Variants in GPC6 observed in about 807,000 individuals in gnomAD.
GPC6 encodes glypican 6, also known as glypican-6.
In GPC6, 14 loss-of-function variants were observed where a neutral mutation model predicts 55.2. The ratio of observed to expected loss-of-function variants is 0.25; its 90% CI spans 0.17 to 0.40. The LOEUF (loss-of-function observed/expected upper bound fraction) is 0.40, where lower values mean the gene tolerates loss of function less well. Ranked by LOEUF, GPC6 falls within the 10% of genes least tolerant of loss-of-function variation. GPC6 has a pLI of 1.00. For synonymous variants in GPC6, 278 were observed against 259.6 expected (o/e 1.07, Z -0.68); for missense variants, 641 against 708.5 (o/e 0.90, Z 1.08).
At chr13:94,266,839 A>G (rs1309870044) in intron 4 of GPC6, among the ~76,000 whole-genome samples, 1 of 152,186 alleles carries the variant, frequency 6.6e-6, no homozygotes, top group Non-Finnish European at 1.5e-5. Flanking sequence ...GAAAATGATA[A>G]TGCACTTTTA....
intron 4 of GPC6, among the ~76,000 whole-genome samples, chr13:94,143,707 G>A (rs933466558): frequency 8.6e-5 from 13 of 152,002 alleles, no homozygotes. Context: ...GGGCAACATG[G>A]CAAAACCCCA....
chr13:93,289,021 T>TG (rs1391061667), intron 1 of GPC6, among the ~76,000 whole-genome samples: 1 of 152,162 alleles, frequency 6.6e-6, no homozygotes, highest in Non-Finnish European at 1.5e-5. Flanking sequence ...TTTCACTATG[T>TG]GGGGAAGTCC....
At chr13:93,558,985 A>G (rs371162651) in intron 2 of GPC6, among the ~76,000 whole-genome samples, 2 of 152,174 alleles carry the variant, frequency 1.3e-5, no homozygotes, top group Non-Finnish European at 2.9e-5. Context: ...TGGCCACTAC[A>G]ATAGTGGCCC....
chr13:93,350,395 C>G (rs1880591507), intron 1 of GPC6, among the ~76,000 whole-genome samples: 1 of 152,142 alleles, frequency 6.6e-6, no homozygotes. Context: ...GATCATGCCA[C>G]TGCACTCCAG....
intron 2 of GPC6, among the ~76,000 whole-genome samples, chr13:93,595,112 T>C (rs1877667034): frequency 6.6e-6 from 1 of 152,190 alleles, no homozygotes; most frequent in Admixed American, 6.5e-5. Flanking sequence ...AGATTTAGAA[T>C]CTGCATAAGA....
intron 2 of GPC6, among the ~76,000 whole-genome samples, chr13:93,600,569 G>C (rs1038749149): frequency 5.3e-5 from 8 of 152,172 alleles, no homozygotes; most frequent in African/African-American, 1.7e-4. Flanking sequence ...CACTCAATCT[G>C]GGTAGAAAGG....
chr13:94,037,393 A>T (rs1359163085), intron 4 of GPC6, among the ~76,000 whole-genome samples: 1 of 151,954 alleles, frequency 6.6e-6, no homozygotes, highest in African/African-American at 2.4e-5. Context: ...CTTGCTACTC[A>T]CTTGCAACCA....
intron 2 of GPC6, among the ~76,000 whole-genome samples, chr13:93,745,589 T>TGGTACA (rs1456523454): frequency 1.3e-5 from 2 of 152,220 alleles, no homozygotes; most frequent in African/African-American, 2.4e-5. Flanking sequence ...GGTGCAAAAG[T>TGGTACA]GGTACACATT....
chr13:94,060,170 C>T (rs969080633), intron 4 of GPC6, among the ~76,000 whole-genome samples: 2 of 152,212 alleles, frequency 1.3e-5, no homozygotes, highest in African/African-American at 4.8e-5. Flanking sequence ...AAATAACACT[C>T]AAATGTACCT....
intron 3 of GPC6, among the ~76,000 whole-genome samples, chr13:93,898,115 A>G (rs569127625): frequency 6.6e-6 from 1 of 152,254 alleles, no homozygotes; most frequent in Non-Finnish European, 1.5e-5. Context: ...CTACAATTGA[A>G]GCAATTATGT....
intron 1 of GPC6, among the ~76,000 whole-genome samples, chr13:93,411,138 A>G (rs1876480731): frequency 6.6e-6 from 1 of 152,170 alleles, no homozygotes; most frequent in Non-Finnish European, 1.5e-5. Flanking sequence ...GTCGAGTCCA[A>G]AACTGGCTTC....
intron 1 of GPC6, among the ~76,000 whole-genome samples, chr13:93,496,179 C>A (rs1172774479): frequency 6.6e-6 from 1 of 152,112 alleles, no homozygotes; most frequent in Non-Finnish European, 1.5e-5. Context: ...CAGCGAGAGT[C>A]CGTGGGCGTA....
chr13:94,293,742 A>T (rs2139095701), intron 5 of GPC6, among the ~76,000 whole-genome samples: 1 of 152,294 alleles, frequency 6.6e-6, no homozygotes, highest in East Asian at 1.9e-4. Context: ...AGCAAGCCTG[A>T]GGTCGTGTAA....
At chr13:93,584,657 T>C (rs73541564) in intron 2 of GPC6, among the ~76,000 whole-genome samples, 9,432 of 150,822 alleles carry the variant, frequency 0.063, 974 homozygotes, top group African/African-American at 0.21. Flanking sequence ...TAAAGTATAA[T>C]GCACGTTACC....
intron 2 of GPC6, among the ~76,000 whole-genome samples, chr13:93,753,884 T>A (rs1249627546): frequency 6.6e-6 from 1 of 152,132 alleles, no homozygotes; most frequent in Admixed American, 6.6e-5. Context: ...TAGGCTCAAG[T>A]AATCCTCCTG....
At chr13:93,967,648 T>C (rs1354911012) in intron 3 of GPC6, among the ~76,000 whole-genome samples, 3 of 152,192 alleles carry the variant, frequency 2.0e-5, no homozygotes, top group Non-Finnish European at 4.4e-5. Context: ...ACTGTGCCTG[T>C]CATTGTTTGG....
intron 2 of GPC6, among the ~76,000 whole-genome samples, chr13:93,736,980 G>T (rs543070534): frequency 6.6e-6 from 1 of 152,134 alleles, no homozygotes; most frequent in Non-Finnish European, 1.5e-5. Context: ...AAGATAAAAG[G>T]CATGAGGAAA....
intron 4 of GPC6, among the ~76,000 whole-genome samples, chr13:94,204,338 A>G (rs1054374049): frequency 1.3e-5 from 2 of 152,180 alleles, no homozygotes; most frequent in African/African-American, 2.4e-5. Flanking sequence ...TGTGCATTCC[A>G]CACAATGGGA....
chr13:93,690,748 A>G (rs1240861053), intron 2 of GPC6, among the ~76,000 whole-genome samples: 1 of 152,146 alleles, frequency 6.6e-6, no homozygotes, highest in Admixed American at 6.6e-5. Flanking sequence ...ATGCTGAAGC[A>G]AGATCTAAGC....
Sources: gnomAD v4.1 joint callset for allele counts (sites outside exome capture counted in the v4.1 genomes callset) on GRCh38, gnomAD v4.1.1 for gene constraint, MANE v1.5 for transcripts, NCBI Gene and HGNC (gene_info 2026-07-23, HGNC 2026-07-21) for gene names.